BIRC6: variants seen among roughly 807,000 people sequenced by gnomAD.
BIRC6 encodes the protein dual E2 ubiquitin-conjugating enzyme/E3 ubiquitin-protein ligase BIRC6.
BIRC6 carries 98 observed loss-of-function variants against 503.3 expected under a neutral mutation model. The observed-to-expected ratio is 0.19, with a 90% CI of 0.17 to 0.23. The LOEUF (loss-of-function observed/expected upper bound fraction) is 0.23, where lower values mean the gene tolerates loss of function less well. Among genes scored for constraint, BIRC6 ranks in the 10% least tolerant of loss-of-function variants. The pLI is 1.00. For synonymous variants in BIRC6, 2,240 were observed against 2,078.7 expected, an observed-to-expected ratio of 1.08 and a Z score of -2.11; for missense variants, 5,360 against 5,806.0, an observed-to-expected ratio of 0.92 and a Z score of 2.50.
At position 32,547,935 on chromosome 2, in the gene BIRC6, C is replaced by G. The variant is rs2058164285; in HGVS notation, c.12896C>G (p.Ser4299Cys). Residue 4299 changes from serine to cysteine, a missense_variant, in exon 64 of 74, where the codon TCT (serine) becomes TGT (cysteine). Transcript: ENST00000421745. The stretch of plus-strand genomic sequence containing the variant: ...AAAGGGACTGGCTTTGGAACAGGCT[C>G]TACAGCTTCTGGGTGGGATGTGGAA... ...WAKGTGFGTG[S>C]TASGWDVEQA... 6.2e-7 allele frequency: 1 copy of G among 1,613,740 alleles called. No homozygotes were observed.
intron 27 of BIRC6, 65 bp downstream of exon 27, chr2:32,467,804 A>G: frequency 6.8e-7 from 1 of 1,460,340 alleles, no homozygotes. Flanking sequence ...TGAAAAATGA[A>G]TATATAATTA....
At chr2:32,441,583 T>A in intron 17 of BIRC6, 121 bp downstream of exon 17, 1 of 842,630 alleles carries the variant, frequency 1.2e-6, no homozygotes. Context: ...CCATTTTTCT[T>A]AAATAATTAT....
In BIRC6 at chr2:32,543,360, G is replaced by T. The variant is rs148397523; in HGVS notation, c.12411G>T (p.Ala4137=). 4 of 1,613,958 alleles carry T rather than the reference G, an allele frequency of 2.5e-6. No individual in the cohort carries two copies. The highest frequency in any genetic ancestry group is 3.4e-6 in the Non-Finnish European group (4 of 1,179,876). ...ELVYEAPETV[A]AEPPPIKSAV... ...TTTATGAAGCACCAGAAACTGTTGC[G>T]GCTGAACCTCCACCTATCAAGTCAG... The change falls in exon 62 of 74, where the codon GCG becomes GCT. Residue 4137 remains alanine, a synonymous_variant. Coordinates refer to ENST00000421745, the MANE Select transcript of BIRC6 (RefSeq NM_016252.4).
At chr2:32,571,402 T>TTTTTTTTG (rs2059906741) in intron 65 of BIRC6, among the ~76,000 whole-genome samples, 1 of 145,160 alleles carries the variant, frequency 6.9e-6, no homozygotes, top group African/African-American at 2.6e-5. Context: ...TTTTTTTTTT[T>TTTTTTTTG]GTTGGGAGAT....
At position 32,487,670 on chromosome 2, in the gene BIRC6, G is replaced by A. The variant is rs2051156447; in HGVS notation, c.7837G>A (p.Asp2613Asn). Reference sequence around the variant, plus strand: ...AGTATCACAGTCTCCCACTGGAACAGATGATTCACTTCTAGGGGGTTTACA... The same window carrying A: ...AGTATCACAGTCTCCCACTGGAACAAATGATTCACTTCTAGGGGGTTTACA... ...PTLSQSPTGT[D>N]DSLLGGLQAA... The change falls in exon 41 of 74, where the codon GAT becomes AAT. Residue 2613 changes from aspartate to asparagine, a missense_variant. Transcript: ENST00000421745. 1 of 1,613,610 alleles carries A rather than the reference G, an allele frequency of 6.2e-7. No individual in the cohort carries two copies. Among genetic ancestry groups the A allele is most frequent in the Non-Finnish European group, 8.5e-7 (1 of 1,179,676 alleles).
chr2:32,442,787 T>TCCC (rs1378143270), intron 19 of BIRC6, among the ~76,000 whole-genome samples: 1 of 152,188 alleles, frequency 6.6e-6, no homozygotes, highest in Non-Finnish European at 1.5e-5. Flanking sequence ...TAAAGTGTTT[T>TCCC]CTCTGTTATG....
intron 69 of BIRC6, among the ~76,000 whole-genome samples, chr2:32,599,282 T>C (rs1341322080): frequency 7.0e-6 from 1 of 143,670 alleles, no homozygotes; most frequent in African/African-American, 2.6e-5. Flanking sequence ...TGAGCCGAGA[T>C]CACACCATTG....
intron 65 of BIRC6, among the ~76,000 whole-genome samples, chr2:32,570,082 T>C (rs1376547608): frequency 6.6e-6 from 1 of 152,208 alleles, no homozygotes; most frequent in African/African-American, 2.4e-5. Context: ...GCCTTTATTA[T>C]GCTGTGTGTT....
intron 65 of BIRC6, among the ~76,000 whole-genome samples, chr2:32,551,443 C>T (rs557673213): frequency 3.2e-4 from 48 of 152,076 alleles, no homozygotes; most frequent in Non-Finnish European, 5.2e-4. Context: ...GCAGCATGCC[C>T]GGCTAATTTT....
intron 71 of BIRC6, among the ~76,000 whole-genome samples, chr2:32,606,385 C>T (rs964478527): frequency 2.6e-5 from 4 of 151,594 alleles, no homozygotes; most frequent in African/African-American, 9.7e-5. Flanking sequence ...GTCAGAAGTT[C>T]GAGACCAGCC....
chr2:32,388,237 C>T (rs1242054906), intron 3 of BIRC6, among the ~76,000 whole-genome samples: 1 of 151,888 alleles, frequency 6.6e-6, no homozygotes, highest in Non-Finnish European at 1.5e-5. Flanking sequence ...AAAAATTAGC[C>T]AGGGATGGTG....
rs550269729 is a variant in BIRC6 at position 32,560,615 on chromosome 2, C to G, written c.13144+11134C>G. Among the ~76,000 whole-genome samples the G allele has an allele frequency of 1.2e-3, 179 of 152,302 alleles. 1 individual carries two copies. Among genetic ancestry groups the G allele is most frequent in the African/African-American group, 4.0e-3 (168 of 41,558 alleles). ...TTTTCTTCTTCAGTCATAGTCTTCTCTGCCACCCGGGCTGGAGTGCAGTGG... is the reference window on the plus strand; with the variant it reads ...TTTTCTTCTTCAGTCATAGTCTTCTGTGCCACCCGGGCTGGAGTGCAGTGG... On this transcript the variant is annotated intron_variant, in intron 65 of 73. Transcript: ENST00000421745.
intron 20 of BIRC6, among the ~76,000 whole-genome samples, chr2:32,444,833 T>A (rs1210815067): frequency 1.3e-5 from 2 of 152,244 alleles, no homozygotes; most frequent in Admixed American, 6.5e-5. Context: ...TATATTTACA[T>A]TGAACATATT....
chr2:32,357,057 TCCCTCCGAGTTTGG>T lies in BIRC6; in HGVS notation c.-101_-88del. 1 of 1,006,588 alleles carries T rather than the reference TCCCTCCGAGTTTGG, an allele frequency of 9.9e-7. No individual in the cohort carries two copies. Among genetic ancestry groups the T allele is most frequent in the Non-Finnish European group, 1.4e-6 (1 of 733,578 alleles). 62.4% of individuals were successfully genotyped at this position (1,006,588 alleles called of 1,614,324 possible). A position where few individuals can be genotyped will look rare whatever the true frequency, so the allele number is the denominator to read the frequency against. ...TGCTTCTCCCCCTCTCCCGTCAGCCTCCCTCCGAGTTTGGCCCCTCCGGCCGGGCGATCGACGTT... is the reference window on the plus strand; with the variant it reads ...TGCTTCTCCCCCTCTCCCGTCAGCCTCCCCTCCGGCCGGGCGATCGACGTT... On this transcript the variant is annotated 5_prime_UTR_variant, in exon 1 of 74. Transcript: ENST00000421745. This position sits in a 1 kb window ranked among gnomAD's most constrained non-coding sequence, Gnocchi z 4.9.
intron 5 of BIRC6, 24 bp downstream of exon 5, chr2:32,392,174 A>G (rs772720622): frequency 6.7e-7 from 1 of 1,487,776 alleles, no homozygotes; most frequent in South Asian, 1.2e-5. Flanking sequence ...ATAAAAAAAT[A>G]CTTTTCTCAG....
chr2:32,532,306 A>G (rs1426055463), intron 61 of BIRC6: 2 of 473,004 alleles, frequency 4.2e-6, no homozygotes, highest in African/African-American at 4.0e-5. Context: ...TGAAATCAAG[A>G]TATCAGCAGG....
intron 3 of BIRC6, among the ~76,000 whole-genome samples, chr2:32,387,875 C>G (rs1266264102): frequency 6.6e-6 from 1 of 151,924 alleles, no homozygotes; most frequent in Admixed American, 6.6e-5. Flanking sequence ...TCTGAATTGT[C>G]TTTTCCAGAA....
intron 71 of BIRC6, among the ~76,000 whole-genome samples, chr2:32,605,072 A>G (rs904754930): frequency 3.3e-5 from 5 of 151,916 alleles, no homozygotes; most frequent in African/African-American, 1.2e-4. Context: ...TAGTAGAGAC[A>G]GGGTTTCACC....
Position 32,415,316 on chromosome 2 carries a change from G to A in BIRC6, c.2025G>A (p.Gln675=). The A allele has an allele frequency of 6.2e-7, 1 of 1,614,040 alleles. No individual in the cohort carries two copies. The highest frequency in any genetic ancestry group is 8.5e-7 in the Non-Finnish European group (1 of 1,179,896). ...TTATTGAAATGGAGCTGGATAGTCA[G>A]GAGCAGTTGTTATTGCAGGATCCTC... ...PQIIEMELDS[Q]EQLLLQDPPV... The change falls in exon 10 of 74, where the codon CAG becomes CAA. Residue 675 remains glutamine (Q), a synonymous_variant. Transcript: ENST00000421745.
Sources: gnomAD v4.1 joint callset for allele counts (sites outside exome capture counted in the v4.1 genomes callset) on GRCh38, gnomAD v4.1.1 for gene constraint, Gnocchi (gnomAD v3.1) non-coding constraint, MANE v1.5 for transcripts, NCBI Gene and HGNC (gene_info 2026-07-23, HGNC 2026-07-21) for gene names.